TESK1: variants seen among roughly 807,000 people sequenced by gnomAD.
TESK1 encodes testis associated actin remodelling kinase 1, also known as dual specificity testis-specific protein kinase 1.
A neutral mutation model predicts 59.9 loss-of-function variants in TESK1; 18 were observed. The ratio of observed to expected loss-of-function variants is 0.30; its 90% confidence interval spans 0.21 to 0.45. TESK1 has a LOEUF of 0.45. Ranked by LOEUF, TESK1 falls within the 20% of genes least tolerant of loss-of-function variation. TESK1 has a pLI of 1.00. For synonymous variants in TESK1, 341 were observed against 357.4 expected, an observed-to-expected ratio of 0.95 and a Z score of 0.52; for missense variants, 748 against 840.9, an observed-to-expected ratio of 0.89 and a Z score of 1.37.
Position 35,605,701 on chromosome 9 carries a change from G to T in TESK1, c.82G>T (p.Gly28Cys). Residue 28 changes from glycine (G) to cysteine (C), a missense_variant, in exon 1 of 10, where the codon GGC (glycine) becomes TGC (cysteine). Physicochemically the swap from Gly to Cys is radical, Grantham distance 159. This residue lies in a region of TESK1 where 133 missense variants were observed against 117.4 expected (regional missense o/e 1.13). Transcript: ENST00000336395. ...GGGGGAGGGGCCCCCGGGGCCGGGG[G>T]GCACGGGCGGAGGCCCGGGCCGGGG... ...VPGEGPPGPGGTGGGPGRGRP... is the reference protein window; with the variant it reads ...VPGEGPPGPGCTGGGPGRGRP... 2 of 1,506,528 alleles carry T rather than the reference G, an allele frequency of 1.3e-6. No individual in the cohort carries two copies. The highest frequency in any genetic ancestry group is 2.4e-5 in the South Asian group (2 of 81,948). The allele number at this position is 1,506,528 out of a possible 1,614,324, so 93.3% of individuals were successfully genotyped here.
In TESK1 at chr9:35,609,913, G is replaced by A. The variant is rs1056578984; in HGVS notation, c.*171G>A. On this transcript the variant is annotated 3_prime_UTR_variant, in exon 10 of 10. Transcript: ENST00000336395. This position sits in a 1 kb window ranked among gnomAD's most constrained non-coding sequence, Gnocchi z 6.7. ...ACAGAGCACTTCCAGTCGACCCCCC[G>A]GCTCGCGTTCCCGTGGGGATCACTG... 30 of 724,312 alleles carry A rather than the reference G, an allele frequency of 4.1e-5. No individual in the cohort carries two copies. The highest frequency in any genetic ancestry group is 1.3e-4 in the African/African-American group (7 of 55,826). The allele number at this position is 724,312 out of a possible 1,614,324, so 44.9% of individuals were successfully genotyped here.
In TESK1 at chr9:35,605,454, C is replaced by T. The variant is rs1321792413; in HGVS notation, c.-166C>T. 4 of 227,916 alleles carry T rather than the reference C, an allele frequency of 1.8e-5. No individual in the cohort carries two copies. The highest frequency in any genetic ancestry group is 6.9e-5 in the African/African-American group (3 of 43,170). 14.1% of individuals were successfully genotyped at this position (227,916 alleles called of 1,614,324 possible). A position where few individuals can be genotyped will look rare whatever the true frequency, so the allele number is the denominator to read the frequency against. Reference sequence around the variant, plus strand: ...CGTCCACCCGGGCCCAGCCAGCCGGCGCGGCGGGGGCGGGTCCAGGATCTT... The same window carrying T: ...CGTCCACCCGGGCCCAGCCAGCCGGTGCGGCGGGGGCGGGTCCAGGATCTT... On this transcript the variant is annotated 5_prime_UTR_variant, in exon 1 of 10. Coordinates refer to ENST00000336395, the MANE Select transcript of TESK1 (RefSeq NM_006285.3).
chr9:35,606,232 T>G lies in TESK1; in HGVS notation c.342-5T>G. 1 of 1,614,148 alleles carries G rather than the reference T, an allele frequency of 6.2e-7. No homozygotes were observed. On this transcript the variant is annotated splice_region_variant and splice_polypyrimidine_tract_variant and intron_variant, in intron 2 of 9. Coordinates refer to ENST00000336395, the MANE Select transcript of TESK1 (RefSeq NM_006285.3). ...TATCCTTCTATCTTCCCCATCCTCT[T>G]GCAGGTTCATGGGAGTCTGTGTGCA...
rs774420657 is a variant in TESK1, at chr9:35,609,725, C to T, written c.1864C>T (p.Pro622Ser). 1.3e-6 allele frequency: 2 copies of T among 1,595,824 alleles called. No individual in the cohort carries two copies. The highest frequency in any genetic ancestry group is 1.7e-6 in the Non-Finnish European group (2 of 1,177,558). ...AKPPTPSLQL[P>S]GARS ...GCCACCCACACCCAGCCTGCAGCTG[C>T]CTGGGGCACGCTCTTAGCAGTGGAG... Residue 622 changes from proline (P) to serine (S), a missense_variant, in exon 10 of 10, where the codon CCT (proline) becomes TCT (serine). Transcript: ENST00000336395. This position sits in a 1 kb window ranked among gnomAD's most constrained non-coding sequence, Gnocchi z 6.7.
rs1241362452 is a variant in TESK1 at position 35,605,324 on chromosome 9, C to T, written c.-296C>T. 2 of 148,322 alleles carry T rather than the reference C, an allele frequency of 1.3e-5. No homozygotes were observed. The highest frequency in any genetic ancestry group is 4.9e-5 in the African/African-American group (2 of 40,970). The allele number at this position is 148,322 out of a possible 1,614,324, so 9.2% of individuals were successfully genotyped here. Reference sequence around the variant, plus strand: ...GCCCGCCCGCCCGCCCGCCTCCGCCCGCGGCAAGCCAGCCCGCCGGCGCCC... The same window carrying T: ...GCCCGCCCGCCCGCCCGCCTCCGCCTGCGGCAAGCCAGCCCGCCGGCGCCC... On this transcript the variant is annotated 5_prime_UTR_variant, in exon 1 of 10. Transcript: ENST00000336395.
In TESK1 at chr9:35,608,224, T is replaced by C; in HGVS notation, c.860T>C (p.Leu287Ser). 6.2e-7 allele frequency: 1 copy of C among 1,614,206 alleles called. No individual in the cohort carries two copies. Among genetic ancestry groups the C allele is most frequent in the Non-Finnish European group, 8.5e-7 (1 of 1,180,018 alleles). Reference protein sequence around the residue: ...LVGDDCPLPFLLLAIHCCNLE... With the variant: ...LVGDDCPLPFSLLAIHCCNLE... ...GGGGATGACTGCCCACTGCCTTTCT[T>C]GCTCCTGGCCATCCACTGCTGCAAC... The change falls in exon 8 of 10, where the codon TTG becomes TCG. Residue 287 changes from leucine (L) to serine (S), a missense_variant. Around this residue, in one of 3 missense-constraint regions of TESK1, gnomAD observed 447 missense variants for 466.1 expected, o/e 0.96. Transcript: ENST00000336395.
chr9:35,609,758 T>C lies in TESK1; in HGVS notation c.*16T>C, dbSNP rs754617394. 17 of 1,551,856 alleles carry C rather than the reference T, an allele frequency of 1.1e-5. No individual in the cohort carries two copies. Among genetic ancestry groups the C allele is most frequent in the Admixed American group, 1.9e-5 (1 of 53,576 alleles). On this transcript the variant is annotated 3_prime_UTR_variant, in exon 10 of 10. Coordinates refer to ENST00000336395, the MANE Select transcript of TESK1 (RefSeq NM_006285.3). The surrounding 1 kb of genome is among the most constrained non-coding windows in gnomAD (Gnocchi z 6.7). ...ACGCTCTTAGCAGTGGAGCCCGTGG[T>C]CTCAGGCCTCCAACTTTGGCCTTCA...
intron 2 of TESK1, 24 bp downstream of exon 2, chr9:35,606,129 A>G (rs774918130): frequency 6.2e-7 from 1 of 1,614,100 alleles, no homozygotes; most frequent in Non-Finnish European, 8.5e-7. Flanking sequence ...GTCTCTGGGC[A>G]GCTTGCTGGG....
chr9:35,605,688 C>CCCGGGGCCGGGGGGCACGGGCGGAGG lies in TESK1; in HGVS notation c.72_97dup (p.Pro33ArgfsTer62). On this transcript the variant is annotated frameshift_variant, in exon 1 of 10. Transcript: ENST00000336395. LOFTEE classifies it high-confidence loss of function. Reference sequence around the variant, plus strand: ...CTGGAGAGGTGCCGGGGGAGGGGCCCCCGGGGCCGGGGGGCACGGGCGGAG... The same window carrying CCCGGGGCCGGGGGGCACGGGCGGAGG: ...CTGGAGAGGTGCCGGGGGAGGGGCCCCCGGGGCCGGGGGGCACGGGCGGAGGCCGGGGCCGGGGGGCACGGGCGGAG... 6.8e-7 allele frequency: 1 copy of CCCGGGGCCGGGGGGCACGGGCGGAGG among 1,463,404 alleles called. No homozygotes were observed. Among genetic ancestry groups the CCCGGGGCCGGGGGGCACGGGCGGAGG allele is most frequent in the Non-Finnish European group, 9.0e-7 (1 of 1,110,284 alleles). The allele number at this position is 1,463,404 out of a possible 1,614,324, so 90.7% of individuals were successfully genotyped here.
In TESK1 at chr9:35,607,314, G is replaced by A. The variant is rs778644561; in HGVS notation, c.538-13G>A. 6.2e-7 allele frequency: 1 copy of A among 1,614,030 alleles called. No homozygotes were observed. The highest frequency in any genetic ancestry group is 2.2e-5 in the East Asian group (1 of 44,884). On this transcript the variant is annotated splice_polypyrimidine_tract_variant and intron_variant, in intron 4 of 9. Coordinates refer to ENST00000336395, the MANE Select transcript of TESK1 (RefSeq NM_006285.3). This position sits in a 1 kb window ranked among gnomAD's most constrained non-coding sequence, Gnocchi z 4.5. Reference sequence around the variant, plus strand: ...TGATGAGTGCGTGGGGATACTATGTGTGTGTGTGTCAGAACTGTCTAGTCC... The same window carrying A: ...TGATGAGTGCGTGGGGATACTATGTATGTGTGTGTCAGAACTGTCTAGTCC...
rs576466018 is a variant in TESK1 at position 35,607,240 on chromosome 9, G to A, written c.538-87G>A. On this transcript the variant is annotated intron_variant, in intron 4 of 9. Coordinates refer to ENST00000336395, the MANE Select transcript of TESK1 (RefSeq NM_006285.3). The surrounding 1 kb of genome is among the most constrained non-coding windows in gnomAD (Gnocchi z 4.5). ...GAGCAGAGAGGGTTGGAGTTATGCT[G>A]GAGTGACAGGGCTTTGGGTTATACA... 5.9e-6 allele frequency: 9 copies of A among 1,525,690 alleles called. No individual in the cohort carries two copies. In the African/African-American group the frequency reaches 6.8e-5, roughly 12 times the overall value. The allele number at this position is 1,525,690 out of a possible 1,614,324, so 94.5% of individuals were successfully genotyped here.
chr9:35,606,179 TGAG>T, intron 2 of TESK1, 55 bp from the exon 3 acceptor site: 1 of 1,614,130 alleles, frequency 6.2e-7, no homozygotes, highest in Non-Finnish European at 8.5e-7. Flanking sequence ...AAAGTGGAAC[TGAG>T]GAGGAGCTGA....
chr9:35,608,035 G>A, intron 7 of TESK1, 24 bp downstream of exon 7: 1 of 1,613,684 alleles, frequency 6.2e-7, no homozygotes, highest in Middle Eastern at 1.6e-4. Flanking sequence ...GGTTTGCAAA[G>A]AAAGAATTCC....
Position 35,609,249 on chromosome 9 carries a change from C to T in TESK1, c.1388C>T (p.Ser463Leu), listed in dbSNP as rs763575051. 26 of 1,613,998 alleles carry T rather than the reference C, an allele frequency of 1.6e-5. No homozygotes were observed. In the Middle Eastern group the frequency reaches 4.9e-4, roughly 31 times the overall value. Residue 463 changes from serine to leucine, a missense_variant, in exon 10 of 10, where the codon TCG (serine) becomes TTG (leucine). Physicochemically the swap from Ser to Leu is moderately radical, Grantham distance 145 (BLOSUM62 -2). Around this residue, in one of 3 missense-constraint regions of TESK1, gnomAD observed 447 missense variants for 466.1 expected, o/e 0.96. Transcript: ENST00000336395. The surrounding 1 kb of genome is among the most constrained non-coding windows in gnomAD (Gnocchi z 6.7). Reference protein sequence around the residue: ...PGPGPPAVGPSAEEKMECEGS... With the variant: ...PGPGPPAVGPLAEEKMECEGS... ...CCTGGCCCTCCCGCTGTGGGCCCCT[C>T]GGCTGAAGAGAAGATGGAGTGCGAG...
chr9:35,609,246 C>T lies in TESK1; in HGVS notation c.1385C>T (p.Pro462Leu), dbSNP rs774921685. 2 of 1,614,162 alleles carry T rather than the reference C, an allele frequency of 1.2e-6. No individual in the cohort carries two copies. The highest frequency in any genetic ancestry group is 1.7e-6 in the Non-Finnish European group (2 of 1,180,026). The change falls in exon 10 of 10, where the codon CCC becomes CTC. Residue 462 changes from proline (P) to leucine (L), a missense_variant. This residue lies in a region of TESK1 where 447 missense variants were observed against 466.1 expected (regional missense o/e 0.96). Coordinates refer to ENST00000336395, the MANE Select transcript of TESK1 (RefSeq NM_006285.3). The surrounding 1 kb of genome is among the most constrained non-coding windows in gnomAD (Gnocchi z 6.7). ...LPGPGPPAVG[P>L]SAEEKMECEG... The stretch of plus-strand genomic sequence containing the variant: ...GGTCCTGGCCCTCCCGCTGTGGGCC[C>T]CTCGGCTGAAGAGAAGATGGAGTGC...
rs915628991 is a variant in TESK1, at chr9:35,605,719, G to A, written c.100G>A (p.Gly34Ser). 3.8e-6 allele frequency: 6 copies of A among 1,561,738 alleles called. No individual in the cohort carries two copies. The highest frequency in any genetic ancestry group is 4.3e-6 in the Non-Finnish European group (5 of 1,153,816). ...GCCGGGGGGCACGGGCGGAGGCCCG[G>A]GCCGGGGCCGCCCCTCCTCCTACCG... ...PGPGGTGGGP[G>S]RGRPSSYRAL... The change falls in exon 1 of 10, where the codon GGC becomes AGC. Residue 34 changes from glycine (G) to serine (S), a missense_variant. Physicochemically the swap from Gly to Ser is moderately conservative, Grantham distance 56 (BLOSUM62 0). Coordinates refer to ENST00000336395, the MANE Select transcript of TESK1 (RefSeq NM_006285.3).
chr9:35,607,837 C>T lies in TESK1; in HGVS notation c.712-91C>T. The T allele has an allele frequency of 6.8e-7, 1 of 1,461,932 alleles. No homozygotes were observed. The highest frequency in any genetic ancestry group is 1.2e-5 in the South Asian group (1 of 83,638). The allele number at this position is 1,461,932 out of a possible 1,614,324, so 90.6% of individuals were successfully genotyped here. A position where few individuals can be genotyped will look rare whatever the true frequency, so the allele number is the denominator to read the frequency against. On this transcript the variant is annotated intron_variant, in intron 6 of 9. Transcript: ENST00000336395. The surrounding 1 kb of genome is among the most constrained non-coding windows in gnomAD (Gnocchi z 4.5). ...TAACACATGAAAACTGTCAAGATCC[C>T]CCACCCTCAACCAAATTCTGCTATA...
At position 35,607,215 on chromosome 9, in the gene TESK1, G is replaced by T; in HGVS notation, c.538-112G>T. The T allele has an allele frequency of 7.0e-7, 1 of 1,421,334 alleles. No individual in the cohort carries two copies. Among genetic ancestry groups the T allele is most frequent in the South Asian group, 1.2e-5 (1 of 85,910 alleles). 88.0% of individuals were successfully genotyped at this position (1,421,334 alleles called of 1,614,324 possible). A position where few individuals can be genotyped will look rare whatever the true frequency, so the allele number is the denominator to read the frequency against. ...ATTGAAGTGCCTTGAAAAACTGGGA[G>T]AGCAGAGAGGGTTGGAGTTATGCTG... On this transcript the variant is annotated intron_variant, in intron 4 of 9. Coordinates refer to ENST00000336395, the MANE Select transcript of TESK1 (RefSeq NM_006285.3). The surrounding 1 kb of genome is among the most constrained non-coding windows in gnomAD (Gnocchi z 4.5).
Position 35,609,533 on chromosome 9 carries a change from G to C in TESK1, c.1672G>C (p.Ala558Pro). 6.2e-7 allele frequency: 1 copy of C among 1,611,982 alleles called. No individual in the cohort carries two copies. Among genetic ancestry groups the C allele is most frequent in the Non-Finnish European group, 8.5e-7 (1 of 1,178,872 alleles). ...ERTEPSPPPS[A>P]PREPDEGLPC... ...GACAGAACCCTCGCCACCCCCTTCA[G>C]CTCCCCGGGAGCCCGATGAGGGGCT... The change falls in exon 10 of 10, where the codon GCT becomes CCT. Residue 558 changes from alanine (A) to proline (P), a missense_variant. Ala to Pro is a conservative substitution (Grantham distance 27). This residue lies in a region of TESK1 where 447 missense variants were observed against 466.1 expected (regional missense o/e 0.96). Coordinates refer to ENST00000336395, the MANE Select transcript of TESK1 (RefSeq NM_006285.3). The surrounding 1 kb of genome is among the most constrained non-coding windows in gnomAD (Gnocchi z 6.7).
Sources: gnomAD v4.1 joint callset for allele counts on GRCh38, gnomAD v4.1.1 for gene constraint, gnomAD v4.1.1 regional missense constraint, Gnocchi (gnomAD v3.1) non-coding constraint, MANE v1.5 for transcripts, NCBI Gene and HGNC (gene_info 2026-07-23, HGNC 2026-07-21) for gene names.